KCTD20: variants seen among roughly 807,000 people sequenced by gnomAD.
KCTD20 encodes the protein potassium channel tetramerization domain containing 20.
In KCTD20, 30 loss-of-function variants were observed where a neutral mutation model predicts 39.6. The ratio of observed to expected loss-of-function variants is 0.76; its 90% CI spans 0.57 to 1.03. The LOEUF is 1.03. Among genes scored for constraint, KCTD20 ranks in the 50% least tolerant of loss-of-function variants. The pLI, the probability that KCTD20 is intolerant of heterozygous loss-of-function variation, is 0.00. For synonymous variants in KCTD20, 162 were observed against 180.6 expected (o/e 0.90, Z 0.83); for missense variants, 422 against 522.0 (o/e 0.81, Z 1.87).
intron 1 of KCTD20, among the ~76,000 whole-genome samples, chr6:36,465,393 T>G (rs562572839): frequency 1.1e-4 from 16 of 151,418 alleles, no homozygotes; most frequent in East Asian, 3.9e-4. Context: ...TTTTGTTTTT[T>G]TTTTTTTTAA....
At position 36,487,087 on chromosome 6, in the gene KCTD20, T is replaced by A. The variant is rs1259619023; in HGVS notation, c.1172T>A (p.Ile391Lys). 1 of 1,614,034 alleles carries A rather than the reference T, an allele frequency of 6.2e-7. No homozygotes were observed. The highest frequency in any genetic ancestry group is 1.3e-5 in the African/African-American group (1 of 74,904). The part of the protein sequence containing the change: ...AGDDVLEDQE[I>K]LMHHPPQVDE... Reference sequence around the variant, plus strand: ...GATGATGTCTTGGAGGACCAGGAGATATTAATGCATCACCCACCCCAAGTG... The same window carrying A: ...GATGATGTCTTGGAGGACCAGGAGAAATTAATGCATCACCCACCCCAAGTG... Residue 391 changes from isoleucine to lysine, a missense_variant, in exon 8 of 8, where the codon ATA becomes AAA. By Grantham distance (102) the Ile-to-Lys change is moderately radical (BLOSUM62 -3). Transcript: ENST00000373731.
intron 5 of KCTD20, 43 bp downstream of exon 5, chr6:36,479,754 CT>C (rs778867199): frequency 3.4e-6 from 3 of 877,570 alleles, no homozygotes; most frequent in Middle Eastern, 3.3e-4. Flanking sequence ...AGCAGCTGAA[CT>C]TTCAGTTTTC....
intron 2 of KCTD20, among the ~76,000 whole-genome samples, chr6:36,472,760 T>G (rs1775949109): frequency 6.6e-6 from 1 of 152,116 alleles, no homozygotes; most frequent in Non-Finnish European, 1.5e-5. Flanking sequence ...GGCGGATCAC[T>G]TGAGGAGACT....
At chr6:36,482,540 G>A (rs1776283154) in intron 6 of KCTD20, among the ~76,000 whole-genome samples, 1 of 151,992 alleles carries the variant, frequency 6.6e-6, no homozygotes, top group Non-Finnish European at 1.5e-5. Flanking sequence ...GCGACAGTGT[G>A]AGACTCCATC....
rs544061625 is a variant in KCTD20 at position 36,472,100 on chromosome 6, G to T, written c.160+1843G>T. Among the ~76,000 whole-genome samples the T allele has an allele frequency of 7.2e-5, 11 of 152,162 alleles. No homozygotes were observed. In the East Asian group the frequency reaches 2.1e-3, roughly 29 times the overall value. ...CCTGACCTCATGATCCGCCCGCCTC[G>T]GCCTTCCAAAGTGCTGGGACTACAG... On this transcript the variant is annotated intron_variant, in intron 2 of 7. Transcript: ENST00000373731.
rs1008386922 is a variant in KCTD20 at position 36,489,371 on chromosome 6, A to G, written c.*2196A>G. 6.6e-6 allele frequency: 1 copy of G among 151,822 alleles called. No individual in the cohort carries two copies. The highest frequency in any genetic ancestry group is 1.5e-5 in the Non-Finnish European group (1 of 68,030). 9.4% of individuals were successfully genotyped at this position (151,822 alleles called of 1,614,324 possible). A position where few individuals can be genotyped will look rare whatever the true frequency, so the allele number is the denominator to read the frequency against. On this transcript the variant is annotated 3_prime_UTR_variant, in exon 8 of 8. Coordinates refer to ENST00000373731, the MANE Select transcript of KCTD20 (RefSeq NM_173562.5). ...TACTTTGCTCAGGCTTTCAAGATTG[A>G]GTCTTTTTTCCCCCAAATTAGGTTA...
intron 1 of KCTD20, among the ~76,000 whole-genome samples, chr6:36,444,476 T>A (rs1239434383): frequency 6.6e-6 from 1 of 152,162 alleles, no homozygotes; most frequent in African/African-American, 2.4e-5. Context: ...ATCTTTTCCT[T>A]CTGAGGGCTG....
intron 4 of KCTD20, 120 bp from the exon 5 acceptor site, chr6:36,479,471 C>T (rs1456527617): frequency 5.3e-6 from 5 of 935,804 alleles, no homozygotes; most frequent in Admixed American, 5.1e-5. Context: ...AATGAATCAT[C>T]CAATTTGGTG....
chr6:36,466,255 G>A (rs1187457009), intron 1 of KCTD20, among the ~76,000 whole-genome samples: 4 of 151,450 alleles, frequency 2.6e-5, no homozygotes. Flanking sequence ...TAGAGACGGG[G>A]TTTCACCATG....
chr6:36,461,554 T>C (rs1477702835), intron 1 of KCTD20, among the ~76,000 whole-genome samples: 5 of 152,178 alleles, frequency 3.3e-5, no homozygotes, highest in Admixed American at 2.6e-4. Context: ...ATAAAAAAAC[T>C]AAGGGTCTTT....
chr6:36,482,649 G>A (rs1308974639), intron 6 of KCTD20, among the ~76,000 whole-genome samples: 1 of 96,072 alleles, frequency 1.0e-5, no homozygotes, highest in African/African-American at 3.6e-5. Flanking sequence ...GCCATTATTG[G>A]ACGTTTAAAC....
At chr6:36,455,145 C>T (rs539847934) in intron 1 of KCTD20, among the ~76,000 whole-genome samples, 6 of 152,016 alleles carry the variant, frequency 3.9e-5, no homozygotes, top group South Asian at 2.1e-4. Context: ...CAGTGGCTTA[C>T]GCCTGTAATC....
chr6:36,473,095 C>T (rs1051884335), intron 2 of KCTD20, among the ~76,000 whole-genome samples: 37 of 151,682 alleles, frequency 2.4e-4, no homozygotes, highest in African/African-American at 8.7e-4. Flanking sequence ...GAGTCTTGCT[C>T]TGTCACCCAG....
intron 5 of KCTD20, among the ~76,000 whole-genome samples, chr6:36,480,559 A>C (rs1452406031): frequency 6.6e-6 from 1 of 151,216 alleles, no homozygotes; most frequent in Non-Finnish European, 1.5e-5. Context: ...CGCCTGGCTT[A>C]TTATTATTGT....
At chr6:36,453,464 G>A (rs566411599) in intron 1 of KCTD20, among the ~76,000 whole-genome samples, 104 of 150,780 alleles carry the variant, frequency 6.9e-4, no homozygotes, top group Non-Finnish European at 1.2e-3. Flanking sequence ...TTCCTGCCTT[G>A]AGAAAGATAC....
At chr6:36,481,174 A>C (rs1387373410) in intron 5 of KCTD20, among the ~76,000 whole-genome samples, 1 of 152,234 alleles carries the variant, frequency 6.6e-6, no homozygotes, top group Non-Finnish European at 1.5e-5. Context: ...TGTCACCAAA[A>C]TTCAGATTAT....
At chr6:36,459,715 T>C (rs553808622) in intron 1 of KCTD20, among the ~76,000 whole-genome samples, 2 of 152,308 alleles carry the variant, frequency 1.3e-5, no homozygotes, top group African/African-American at 2.4e-5. Flanking sequence ...TTGACAGCAA[T>C]TGGTGCTGGT....
intron 1 of KCTD20, among the ~76,000 whole-genome samples, chr6:36,453,521 T>G (rs909728734): frequency 6.6e-6 from 1 of 151,336 alleles, no homozygotes; most frequent in African/African-American, 2.4e-5. Context: ...TTTTTTGTTT[T>G]TTTTTTTTTT....
intron 2 of KCTD20, among the ~76,000 whole-genome samples, chr6:36,474,148 T>C (rs1248280849): frequency 6.6e-6 from 1 of 152,100 alleles, no homozygotes; most frequent in Non-Finnish European, 1.5e-5. Context: ...TATGTATACA[T>C]GTGCCATGCT....
Sources: gnomAD v4.1 joint callset for allele counts (sites outside exome capture counted in the v4.1 genomes callset) on GRCh38, gnomAD v4.1.1 for gene constraint, MANE v1.5 for transcripts, NCBI Gene and HGNC (gene_info 2026-07-23, HGNC 2026-07-21) for gene names.